The following OSBPL10 variants were observed in gnomAD, a reference collection of about 807,000 sequenced individuals.
The protein encoded by OSBPL10 is oxysterol-binding protein-related protein 10.
Under a neutral mutation model 81.7 loss-of-function variants are expected in OSBPL10, and 49 were observed. The observed-to-expected ratio is 0.60, with a 90% CI of 0.48 to 0.76. OSBPL10 has a LOEUF of 0.76. Among genes scored for constraint, OSBPL10 ranks in the 30% least tolerant of loss-of-function variants. The pLI is 0.00. For synonymous variants in OSBPL10, 419 were observed against 383.6 expected, an observed-to-expected ratio of 1.09 and a Z score of -1.08; for missense variants, 923 against 987.8, an observed-to-expected ratio of 0.93 and a Z score of 0.88.
chr3:31,964,404 G>A (rs1009176273), intron 1 of OSBPL10, among the ~76,000 whole-genome samples: 26 of 152,132 alleles, frequency 1.7e-4, no homozygotes, highest in African/African-American at 5.1e-4. Flanking sequence ...TGATCTGCCC[G>A]CCTCGGCCTC....
At chr3:31,825,267 G>C (rs1400955835) in intron 4 of OSBPL10, among the ~76,000 whole-genome samples, 1 of 152,206 alleles carries the variant, frequency 6.6e-6, no homozygotes, top group African/African-American at 2.4e-5. Flanking sequence ...GGAGGAGACA[G>C]ACTGGAAACA....
At chr3:31,900,043 T>C (rs941159066) in intron 1 of OSBPL10, among the ~76,000 whole-genome samples, 2 of 150,528 alleles carry the variant, frequency 1.3e-5, no homozygotes, top group Non-Finnish European at 3.0e-5. Flanking sequence ...TTTTTTTTTT[T>C]AAGACAGGGT....
intron 2 of OSBPL10, chr3:31,991,393 G>A (rs1417413488): frequency 5.8e-6 from 1 of 171,168 alleles, no homozygotes; most frequent in Admixed American, 6.3e-5. Context: ...ATCAATATGG[G>A]TCATATCTCT....
intron 1 of OSBPL10, among the ~76,000 whole-genome samples, chr3:31,963,346 A>ATATTTATG (rs1195234406): frequency 2.2e-4 from 34 of 152,118 alleles, no homozygotes; most frequent in African/African-American, 8.2e-4. Flanking sequence ...TAAATATTTC[A>ATATTTATG]TATTTATGTA....
intron 4 of OSBPL10, among the ~76,000 whole-genome samples, chr3:31,824,387 GTC>G (rs1173580042): frequency 6.6e-6 from 1 of 152,154 alleles, no homozygotes; most frequent in African/African-American, 2.4e-5. Flanking sequence ...CTTGACGTGA[GTC>G]TCTATTGTTA....
Position 31,876,617 on chromosome 3 carries a change from G to C in OSBPL10, c.458-105C>G, listed in dbSNP as rs537904263. On this transcript the variant is annotated intron_variant, in intron 2 of 11. Coordinates refer to ENST00000396556, the MANE Select transcript of OSBPL10 (RefSeq NM_017784.5). ...AGGGGGTGGGGAGCCTGGGGAGTGA[G>C]AGGTAGCAAGAAGGTGGGGAAGCAA... is the stretch of plus-strand genomic sequence containing the variant. 5.9e-5 allele frequency: 52 copies of C among 878,966 alleles called. No homozygotes were observed. In the African/African-American group the frequency reaches 8.0e-4, roughly 13 times the overall value. 54.4% of individuals were successfully genotyped at this position (878,966 alleles called of 1,614,324 possible). A position where few individuals can be genotyped will look rare whatever the true frequency, so the allele number is the denominator to read the frequency against.
intron 7 of OSBPL10, among the ~76,000 whole-genome samples, chr3:31,698,048 C>T (rs1007354920): frequency 1.3e-5 from 2 of 152,076 alleles, no homozygotes. Flanking sequence ...AGGCGTGAGC[C>T]ACGGTGCCTG....
At chr3:31,765,550 T>C (rs1275044786) in intron 4 of OSBPL10, among the ~76,000 whole-genome samples, 5 of 152,100 alleles carry the variant, frequency 3.3e-5, no homozygotes, top group Admixed American at 6.6e-5. Flanking sequence ...AGGCATCTCT[T>C]TGAGAGCTGG....
At chr3:31,857,479 G>C (rs893788330) in intron 3 of OSBPL10, among the ~76,000 whole-genome samples, 2 of 151,862 alleles carry the variant, frequency 1.3e-5, no homozygotes, top group East Asian at 3.9e-4. Context: ...GCCTGATGGA[G>C]AGCATCTCCC....
At chr3:31,687,481 A>G (rs1355971648) in intron 7 of OSBPL10, among the ~76,000 whole-genome samples, 1 of 152,042 alleles carries the variant, frequency 6.6e-6, no homozygotes, top group African/African-American at 2.4e-5. Flanking sequence ...AAAAAAAAAT[A>G]AGTAAATAAA....
intron 1 of OSBPL10, among the ~76,000 whole-genome samples, chr3:32,050,724 C>A (rs936838373): frequency 1.3e-5 from 2 of 149,030 alleles, no homozygotes; most frequent in Non-Finnish European, 1.5e-5. Context: ...TACAATGGTG[C>A]AATCTCAGCT....
intron 10 of OSBPL10, among the ~76,000 whole-genome samples, chr3:31,668,211 G>A (rs1700243955): frequency 6.6e-6 from 1 of 152,134 alleles, no homozygotes; most frequent in African/African-American, 2.4e-5. Flanking sequence ...CTACTAGAAG[G>A]ACAGGGTATA....
chr3:31,783,805 AAAAAAAAAAAAAAAAAAAATAT>A (rs1282624803), intron 4 of OSBPL10, among the ~76,000 whole-genome samples: 10 of 70,290 alleles, frequency 1.4e-4, no homozygotes, highest in South Asian at 4.7e-4. Flanking sequence ...AAAAAAAAAA[AAAAAAAAAAAAAAAAAAAATAT>A]ATATATATAT....
chr3:32,017,508 CA>C (rs61287763), intron 2 of OSBPL10, among the ~76,000 whole-genome samples: 4,653 of 142,752 alleles, frequency 0.033, 246 homozygotes, highest in African/African-American at 0.11. Flanking sequence ...AGCTGAGATT[CA>C]AAAAAAAAAA....
intron 3 of OSBPL10, among the ~76,000 whole-genome samples, chr3:31,832,377 A>G (rs962462065): frequency 1.3e-5 from 2 of 152,170 alleles, no homozygotes; most frequent in Non-Finnish European, 2.9e-5. Flanking sequence ...CCTATTGAAA[A>G]CATTTTAATT....
At chr3:31,933,395 G>C (rs550622379) in intron 1 of OSBPL10, among the ~76,000 whole-genome samples, 1 of 147,926 alleles carries the variant, frequency 6.8e-6, no homozygotes, top group Non-Finnish European at 1.5e-5. Context: ...CCTTTAAGGG[G>C]GAAACAATAA....
intron 3 of OSBPL10, among the ~76,000 whole-genome samples, chr3:31,842,590 C>T (rs769650227): frequency 3.5e-4 from 54 of 152,328 alleles, no homozygotes; most frequent in Middle Eastern, 6.8e-3. Context: ...CGTTAGAGCA[C>T]ATGAAGAAGA....
chr3:31,762,661 G>GTTTTTTT (rs1475864559), intron 4 of OSBPL10, among the ~76,000 whole-genome samples: 1 of 20,646 alleles, frequency 4.8e-5, no homozygotes. Context: ...TAGAGATGGG[G>GTTTTTTT]TTTCACCAAG....
intron 1 of OSBPL10, among the ~76,000 whole-genome samples, chr3:31,934,502 A>T (rs1415401595): frequency 6.8e-6 from 1 of 148,046 alleles, no homozygotes; most frequent in African/African-American, 2.5e-5. Context: ...TCCGCCTCCC[A>T]GGTTCAAGGG....
Sources: allele counts gnomAD v4.1 joint callset (sites outside exome capture counted in the v4.1 genomes callset), GRCh38; gene constraint gnomAD v4.1.1; transcripts MANE v1.5; gene names NCBI Gene and HGNC (gene_info 2026-07-23, HGNC 2026-07-21).